The following C12orf56 variants were observed in gnomAD, a reference collection of about 807,000 sequenced individuals.
C12orf56 encodes uncharacterized protein C12orf56.
A neutral mutation model predicts 69.9 loss-of-function variants in C12orf56; 71 were observed. The observed-to-expected ratio is 1.02, with a 90% CI of 0.84 to 1.24. The LOEUF (loss-of-function observed/expected upper bound fraction) is 1.24. C12orf56 is among the 50% of genes most tolerant of loss of function. The pLI is 0.00. For missense variants in C12orf56, 732 were observed against 738.5 expected, an observed-to-expected ratio of 0.99 and a Z score of 0.10; for synonymous variants, 276 against 274.1, an observed-to-expected ratio of 1.01 and a Z score of -0.07.
chr12:64,379,796 G>A (rs1257825857), intron 1 of C12orf56, among the ~76,000 whole-genome samples: 2 of 150,854 alleles, frequency 1.3e-5, no homozygotes, highest in Admixed American at 1.3e-4. Flanking sequence ...CAAAACGCAC[G>A]ATATAAGCCG....
chr12:64,293,085 G>A (rs1287634509), intron 6 of C12orf56, among the ~76,000 whole-genome samples: 7 of 152,264 alleles, frequency 4.6e-5, no homozygotes, highest in Non-Finnish European at 7.4e-5. Context: ...TCTGAAAAGC[G>A]CAGTATTCGG....
intron 6 of C12orf56, among the ~76,000 whole-genome samples, chr12:64,301,872 T>C (rs2038450319): frequency 6.6e-6 from 1 of 152,154 alleles, no homozygotes; most frequent in Admixed American, 6.6e-5. Flanking sequence ...TACACAGCCC[T>C]TTCCTGATAA....
intron 4 of C12orf56, among the ~76,000 whole-genome samples, chr12:64,316,987 C>T (rs1342394309): frequency 6.6e-6 from 1 of 152,140 alleles, no homozygotes; most frequent in African/African-American, 2.4e-5. Context: ...TTCAGGGAAG[C>T]ATAAACAGTT....
At chr12:64,383,383 C>A (rs2039746837) in intron 1 of C12orf56, among the ~76,000 whole-genome samples, 1 of 151,644 alleles carries the variant, frequency 6.6e-6, no homozygotes, top group African/African-American at 2.4e-5. Context: ...AATGAGAGAA[C>A]CAATTTTTTT....
Position 64,284,650 on chromosome 12 carries a change from C to T in C12orf56, c.1310+14G>A. 6.3e-7 allele frequency: 1 copy of T among 1,589,570 alleles called. No homozygotes were observed. The highest frequency in any genetic ancestry group is 1.4e-5 in the African/African-American group (1 of 74,060). ...TGCAACTACAAGGTCCCAATGTCTT[C>T]TAAAAGACCTTACTTCTTAGCTGCC... On this transcript the variant is annotated intron_variant, in intron 8 of 12. Transcript: ENST00000543942.
chr12:64,307,387 T>TTTTTG (rs2038528262), intron 5 of C12orf56, among the ~76,000 whole-genome samples: 1 of 149,354 alleles, frequency 6.7e-6, no homozygotes, highest in South Asian at 2.1e-4. Context: ...TTTTTTTTTT[T>TTTTTG]GAGACGGAGT....
intron 6 of C12orf56, among the ~76,000 whole-genome samples, chr12:64,292,673 G>A (rs1325765254): frequency 1.2e-4 from 3 of 24,982 alleles, no homozygotes; most frequent in Non-Finnish European, 5.5e-4. Flanking sequence ...CGGGGGTCAG[G>A]GGTCAGGGAC....
intron 1 of C12orf56, among the ~76,000 whole-genome samples, chr12:64,373,728 CT>C (rs2039604052): frequency 1.3e-5 from 2 of 152,238 alleles, no homozygotes; most frequent in South Asian, 4.2e-4. Context: ...TTCAAAGAAT[CT>C]AAAAGAGGAC....
At chr12:64,338,571 A>G in intron 2 of C12orf56, 1 of 1,533,054 alleles carries the variant, frequency 6.5e-7, no homozygotes, top group Non-Finnish European at 9.0e-7. Flanking sequence ...TGATTCATCA[A>G]ATTGGACATC....
intron 5 of C12orf56, among the ~76,000 whole-genome samples, chr12:64,311,607 T>A (rs775507101): frequency 5.3e-5 from 8 of 152,172 alleles, no homozygotes; most frequent in African/African-American, 9.7e-5. Context: ...GGGGCCATCA[T>A]GATAGGCCCC....
chr12:64,308,326 A>ATAC (rs1555188097), intron 5 of C12orf56, among the ~76,000 whole-genome samples: 2 of 152,160 alleles, frequency 1.3e-5, no homozygotes, highest in Non-Finnish European at 2.9e-5. Flanking sequence ...TGTATCAATA[A>ATAC]ATACATACAT....
At position 64,285,950 on chromosome 12, in the gene C12orf56, T is replaced by G. The variant is rs1277553765; in HGVS notation, c.1220+4A>C. 1 of 1,571,092 alleles carries G rather than the reference T, an allele frequency of 6.4e-7. No individual in the cohort carries two copies. On this transcript the variant is annotated splice_donor_region_variant and intron_variant, in intron 7 of 12. Transcript: ENST00000543942. Reference sequence around the variant, plus strand: ...AAATCGATGATTATCTAGTTAGTACTTACACCAGCTCATCAACCCTTTGGC... The same window carrying G: ...AAATCGATGATTATCTAGTTAGTACGTACACCAGCTCATCAACCCTTTGGC...
chr12:64,363,906 C>T (rs1565775738), intron 1 of C12orf56, among the ~76,000 whole-genome samples: 2 of 152,080 alleles, frequency 1.3e-5, no homozygotes, highest in Non-Finnish European at 1.5e-5. Flanking sequence ...CAAAGTGTAA[C>T]ATGATGATTT....
chr12:64,277,932 AGTTTTGGAT>A, intron 8 of C12orf56, 129 bp from the exon 9 acceptor site: 1 of 627,644 alleles, frequency 1.6e-6, no homozygotes, highest in Non-Finnish European at 2.4e-6. Context: ...CCTTGACTGA[AGTTTTGGAT>A]CCTTGGACAC....
At position 64,337,176 on chromosome 12, in the gene C12orf56, T is replaced by A. The variant is rs189405528; in HGVS notation, c.416-6144A>T. On this transcript the variant is annotated intron_variant, in intron 2 of 12. Coordinates refer to ENST00000543942, the MANE Select transcript of C12orf56 (RefSeq NM_001170633.2). ...CTATATAGATATAGATATACAGATATGTCTGAGTTGTTTTTACTCACTTCA... is the reference window on the plus strand; with the variant it reads ...CTATATAGATATAGATATACAGATAAGTCTGAGTTGTTTTTACTCACTTCA... 5.1e-4 allele frequency among the ~76,000 whole-genome samples: 77 copies of A among 152,340 alleles called. No homozygotes were observed. In the East Asian group the frequency reaches 0.013, roughly 26 times the overall value.
At chr12:64,320,270 C>A (rs552164065) in intron 3 of C12orf56, among the ~76,000 whole-genome samples, 1 of 152,178 alleles carries the variant, frequency 6.6e-6, no homozygotes, top group Admixed American at 6.5e-5. Context: ...TCAGAGAACA[C>A]AAGGCTTGCC....
At chr12:64,377,356 T>C (rs1375907753) in intron 1 of C12orf56, among the ~76,000 whole-genome samples, 1 of 151,966 alleles carries the variant, frequency 6.6e-6, no homozygotes, top group East Asian at 1.9e-4. Context: ...CCCCAGCTAA[T>C]TTTTTTATTT....
At chr12:64,352,850 T>TAC in intron 2 of C12orf56, 44 bp downstream of exon 2, 18 of 930,430 alleles carry the variant, frequency 1.9e-5, no homozygotes, top group East Asian at 8.1e-5. Context: ...ATATATATAC[T>TAC]TTTTTTTTTG....
intron 1 of C12orf56, among the ~76,000 whole-genome samples, chr12:64,381,585 G>A (rs2039720048): frequency 6.6e-6 from 1 of 152,210 alleles, no homozygotes; most frequent in South Asian, 2.1e-4. Flanking sequence ...AACTAGGATA[G>A]CTTGGAGGTT....
Sources: allele counts gnomAD v4.1 joint callset (sites outside exome capture counted in the v4.1 genomes callset), GRCh38; gene constraint gnomAD v4.1.1; transcripts MANE v1.5; gene names NCBI Gene and HGNC (gene_info 2026-07-23, HGNC 2026-07-21).